CRLF3: variants seen among roughly 807,000 people sequenced by gnomAD.
CRLF3 encodes cytokine receptor-like factor 3.
In CRLF3, 33 loss-of-function variants were observed where a neutral mutation model predicts 55.0. The observed-to-expected ratio is 0.60, with a 90% confidence interval of 0.46 to 0.80. The LOEUF (loss-of-function observed/expected upper bound fraction) is 0.80. Among genes scored for constraint, CRLF3 ranks in the 30% least tolerant of loss-of-function variants. The probability of loss-of-function intolerance (pLI) is 0.00; values close to 1 mark genes in which losing one functional copy is unlikely to be tolerated. For synonymous variants in CRLF3, 238 were observed against 196.8 expected (o/e 1.21, Z -1.75); for missense variants, 494 against 538.4 (o/e 0.92, Z 0.82).
chr17:30,794,158 T>C (rs944727809), intron 4 of CRLF3, among the ~76,000 whole-genome samples: 2 of 152,156 alleles, frequency 1.3e-5, no homozygotes, highest in African/African-American at 4.8e-5. Context: ...TATTGAACCA[T>C]GTGTTCTGTA....
chr17:30,793,010 A>T (rs553206798), intron 5 of CRLF3, among the ~76,000 whole-genome samples: 21 of 150,048 alleles, frequency 1.4e-4, no homozygotes, highest in African/African-American at 5.2e-4. Flanking sequence ...ATAAAAAATT[A>T]GCCAGGTGTG....
intron 1 of CRLF3, among the ~76,000 whole-genome samples, chr17:30,817,939 T>C (rs936981630): frequency 6.9e-6 from 1 of 144,824 alleles, no homozygotes; most frequent in Non-Finnish European, 1.5e-5. Flanking sequence ...TTAACTGCAG[T>C]TGTCTGTAAG....
intron 1 of CRLF3, among the ~76,000 whole-genome samples, chr17:30,815,080 CTTTCTTTTTTTT>C (rs1567668329): frequency 2.1e-5 from 3 of 142,552 alleles, no homozygotes; most frequent in Admixed American, 2.1e-4. Context: ...TTTTTTCTTT[CTTTCTTTTTTTT>C]TTTTTTTTTT....
At chr17:30,820,921 G>C (rs1455244148) in intron 1 of CRLF3, among the ~76,000 whole-genome samples, 2 of 151,802 alleles carry the variant, frequency 1.3e-5, no homozygotes, top group African/African-American at 4.8e-5. Flanking sequence ...CAGGTGTGGT[G>C]GTGTGTACCT....
intron 1 of CRLF3, among the ~76,000 whole-genome samples, chr17:30,815,046 C>T (rs2142271530): frequency 6.6e-6 from 1 of 151,142 alleles, no homozygotes; most frequent in Admixed American, 6.6e-5. Context: ...ACCTCTATAA[C>T]ATTCACACAC....
chr17:30,786,661 G>A (rs1971654886), intron 6 of CRLF3: 2 of 151,864 alleles, frequency 1.3e-5, no homozygotes, highest in Admixed American at 6.6e-5. Flanking sequence ...GTGGAACCAG[G>A]ACTCAAACAC....
intron 1 of CRLF3, among the ~76,000 whole-genome samples, chr17:30,819,523 G>A (rs1904922826): frequency 6.6e-6 from 1 of 152,120 alleles, no homozygotes; most frequent in African/African-American, 2.4e-5. Context: ...TGTCGCCCAG[G>A]CTGGAGTGCA....
chr17:30,784,616 A>G (rs1971591621), intron 7 of CRLF3, 173 bp from the exon 8 acceptor site: 2 of 571,778 alleles, frequency 3.5e-6, no homozygotes, highest in South Asian at 4.8e-5. Context: ...CTTCCAGCAG[A>G]GACTATGAGT....
intron 1 of CRLF3, among the ~76,000 whole-genome samples, chr17:30,810,582 T>C (rs1402223807): frequency 6.6e-6 from 1 of 151,280 alleles, no homozygotes; most frequent in East Asian, 1.9e-4. Context: ...AATAAATAAA[T>C]AATAAAAAAC....
In CRLF3 at chr17:30,821,900, C is replaced by T. The variant is rs145880059; in HGVS notation, c.129+2623G>A. Among the ~76,000 whole-genome samples, 337 of 151,884 alleles carry T rather than the reference C, an allele frequency of 2.2e-3. 1 individual carries two copies. Among genetic ancestry groups the T allele is most frequent in the African/African-American group, 7.8e-3 (325 of 41,418 alleles). ...TGTAAACTTTAAGGCATGACTTTTA[C>T]GGTGTGTGAATTATATCTCAATAAA... On this transcript the variant is annotated intron_variant, in intron 1 of 7. Transcript: ENST00000324238.
intron 5 of CRLF3, 72 bp from the exon 6 acceptor site, chr17:30,792,644 T>A (rs1971830583): frequency 7.1e-7 from 1 of 1,400,666 alleles, no homozygotes; most frequent in South Asian, 1.4e-5. Context: ...ACACGTTAAA[T>A]AAAACATGGA....
intron 4 of CRLF3, among the ~76,000 whole-genome samples, chr17:30,795,820 C>T (rs1356329890): frequency 6.6e-6 from 1 of 152,018 alleles, no homozygotes; most frequent in African/African-American, 2.4e-5. Flanking sequence ...CCTATAATCC[C>T]AGCTACTCAG....
chr17:30,789,659 C>T (rs938945055), intron 6 of CRLF3, among the ~76,000 whole-genome samples: 3 of 152,116 alleles, frequency 2.0e-5, no homozygotes, highest in Non-Finnish European at 2.9e-5. Flanking sequence ...TTCCTCATCC[C>T]TAAAATAAAT....
Position 30,794,879 on chromosome 17 carries a change from T to C in CRLF3, c.604-1207A>G, listed in dbSNP as rs149604733. Among the ~76,000 whole-genome samples, 545 of 152,262 alleles carry C rather than the reference T, an allele frequency of 3.6e-3. 5 individuals carry two copies. Among genetic ancestry groups the C allele is most frequent in the African/African-American group, 0.011 (472 of 41,548 alleles). ...ACAATGCCAATTATTGGTCAAGATA[T>C]GGAATAACAGAAACTCATATACTCC... On this transcript the variant is annotated intron_variant, in intron 4 of 7. Transcript: ENST00000324238.
At chr17:30,811,790 C>T (rs1306072742) in intron 1 of CRLF3, among the ~76,000 whole-genome samples, 6 of 115,370 alleles carry the variant, frequency 5.2e-5, no homozygotes, top group Admixed American at 1.2e-4. Context: ...GGGGACAGCA[C>T]GAGACTCTGT....
chr17:30,790,354 G>A (rs183090893), intron 6 of CRLF3, among the ~76,000 whole-genome samples: 38 of 152,192 alleles, frequency 2.5e-4, no homozygotes, highest in Non-Finnish European at 3.4e-4. Flanking sequence ...TAGTTTCTAC[G>A]AAGAGCTATT....
At chr17:30,797,524 AT>A in intron 2 of CRLF3, 126 bp from the exon 3 acceptor site, 2 of 716,926 alleles carry the variant, frequency 2.8e-6, no homozygotes, top group Non-Finnish European at 4.8e-6. Flanking sequence ...CCACAGTCAA[AT>A]TCCCAAAAAG....
chr17:30,788,325 C>CAAA lies in CRLF3; in HGVS notation c.960-2297_960-2295dup, dbSNP rs780693808. Among the ~76,000 whole-genome samples the CAAA allele has an allele frequency of 9.5e-3, 1,122 of 118,422 alleles. 25 individuals are homozygous for CAAA. The highest frequency in any genetic ancestry group is 0.029 in the African/African-American group (979 of 33,654). The allele number at this position is 118,422 out of a possible 152,430, so 77.7% of individuals were successfully genotyped here. A position where few individuals can be genotyped will look rare whatever the true frequency, so the allele number is the denominator to read the frequency against. On this transcript the variant is annotated intron_variant, in intron 6 of 7. Transcript: ENST00000324238. ...TGGGCAACAGAATGAGACTTTGTCT[C>CAAA]AAAAAAAAAAAAAGAAAAGAAAAGA... is the stretch of plus-strand genomic sequence containing the variant.
chr17:30,823,517 AGCAAGGAAGT>A (rs1428252110), intron 1 of CRLF3, among the ~76,000 whole-genome samples: 2 of 151,464 alleles, frequency 1.3e-5, no homozygotes, highest in African/African-American at 4.9e-5. Flanking sequence ...GGTTATATGC[AGCAAGGAAGT>A]GCTAAGACGA....
Sources: allele counts gnomAD v4.1 joint callset (sites outside exome capture counted in the v4.1 genomes callset), GRCh38; gene constraint gnomAD v4.1.1; transcripts MANE v1.5; gene names NCBI Gene and HGNC (gene_info 2026-07-23, HGNC 2026-07-21).